Variants in ASB3 observed in about 807,000 individuals in gnomAD.
The protein encoded by ASB3 is ankyrin repeat and SOCS box containing 3, also known as ankyrin repeat and SOCS box protein 3.
In ASB3, 41 loss-of-function variants were observed where a neutral mutation model predicts 54.5. The ratio of observed to expected loss-of-function variants is 0.75; its 90% CI spans 0.59 to 0.98. ASB3 has a LOEUF of 0.98. ASB3 is among the 50% of genes least tolerant of loss of function. The pLI is 0.00. For synonymous variants in ASB3, 266 were observed against 221.2 expected (o/e 1.20, Z -1.80); for missense variants, 733 against 620.0 (o/e 1.18, Z -1.94).
intron 1 of ASB3, among the ~76,000 whole-genome samples, chr2:53,773,348 T>C (rs1674080006): frequency 6.6e-6 from 1 of 150,448 alleles, no homozygotes; most frequent in South Asian, 2.1e-4. Flanking sequence ...TTATTCACAA[T>C]GGAGATTTTA....
At position 53,670,611 on chromosome 2, in the gene ASB3, A is replaced by G. The variant is rs747158294; in HGVS notation, c.1449T>C (p.Ser483=). 1.6e-5 allele frequency: 26 copies of G among 1,613,936 alleles called. No homozygotes were observed. In the African/African-American group the frequency reaches 3.2e-4, roughly 20 times the overall value. ...TGGGAAGTGGCAGCTGACTAATATA[A>G]CTGTCAGACCGTAGACGTTCTGATT... ...SLKSERLRSD[S]YISQLPLPRS... Residue 483 remains serine, a synonymous_variant, in exon 10 of 10, where the codon AGT becomes AGC. Transcript: ENST00000263634.
chr2:53,731,245 C>CA (rs968233624), intron 3 of ASB3, among the ~76,000 whole-genome samples: 8 of 152,010 alleles, frequency 5.3e-5, no homozygotes, highest in Admixed American at 3.9e-4. Context: ...ACTAAAAATA[C>CA]AAAAAAATTA....
At position 53,710,891 on chromosome 2, in the gene ASB3, C is replaced by T. The variant is rs537468586; in HGVS notation, c.980+3493G>A. Among the ~76,000 whole-genome samples, 12 of 152,124 alleles carry T rather than the reference C, an allele frequency of 7.9e-5. No individual in the cohort carries two copies. In the East Asian group the frequency reaches 2.3e-3, roughly 29 times the overall value. On this transcript the variant is annotated intron_variant, in intron 7 of 9. Coordinates refer to ENST00000263634, the MANE Select transcript of ASB3 (RefSeq NM_016115.5). ...CCTGTAATCCCAGCACTTTGAGAGG[C>T]CAAGGCAGGGAGATCACCTGAGCTC...
chr2:53,713,038 A>T (rs1024008331), intron 7 of ASB3, among the ~76,000 whole-genome samples: 1 of 152,174 alleles, frequency 6.6e-6, no homozygotes, highest in Non-Finnish European at 1.5e-5. Flanking sequence ...TATTCAAACT[A>T]AAATGTATAA....
At chr2:53,774,043 C>T (rs1573020043) in intron 1 of ASB3, 2 of 1,295,032 alleles carry the variant, frequency 1.5e-6, no homozygotes, top group East Asian at 2.4e-5. Flanking sequence ...CAAAAACAAA[C>T]AGAAAAGAAT....
At chr2:53,674,226 T>C (rs1056303685) in intron 9 of ASB3, among the ~76,000 whole-genome samples, 2 of 152,212 alleles carry the variant, frequency 1.3e-5, no homozygotes, top group Non-Finnish European at 2.9e-5. Flanking sequence ...TCTTGGATTA[T>C]GGCAGTGATT....
intron 1 of ASB3, among the ~76,000 whole-genome samples, chr2:53,776,879 G>A (rs183767696): frequency 6.6e-6 from 1 of 152,236 alleles, no homozygotes; most frequent in African/African-American, 2.4e-5. Flanking sequence ...CAAAGATTTT[G>A]TAATCCTGTG....
chr2:53,716,324 C>T (rs1670387428), intron 6 of ASB3, among the ~76,000 whole-genome samples: 1 of 151,950 alleles, frequency 6.6e-6, no homozygotes, highest in Non-Finnish European at 1.5e-5. Context: ...GAGTCAACAC[C>T]CCGAGAAAGT....
chr2:53,681,505 C>G (rs6741239), intron 9 of ASB3, among the ~76,000 whole-genome samples: 67,878 of 151,940 alleles, frequency 0.45, 15,431 homozygotes, highest in East Asian at 0.63. Context: ...AGGTCTTAAA[C>G]TCTTTAATGC....
intron 3 of ASB3, among the ~76,000 whole-genome samples, chr2:53,734,824 T>G (rs1671523581): frequency 6.6e-6 from 1 of 152,204 alleles, no homozygotes; most frequent in African/African-American, 2.4e-5. Flanking sequence ...CTTCTTAGTT[T>G]AGTTGTTCTA....
At chr2:53,749,521 G>A (rs1034931965) in intron 3 of ASB3, among the ~76,000 whole-genome samples, 15 of 152,108 alleles carry the variant, frequency 9.9e-5, no homozygotes, top group African/African-American at 2.9e-4. Context: ...AGATTTAGTC[G>A]TAACCACTAA....
intron 9 of ASB3, among the ~76,000 whole-genome samples, chr2:53,685,232 C>G (rs540196381): frequency 6.6e-6 from 1 of 152,098 alleles, no homozygotes; most frequent in African/African-American, 2.4e-5. Flanking sequence ...CAGGAGTATA[C>G]TGAAGTCAAG....
rs144785033 is a variant in ASB3, at chr2:53,767,953, G to A, written c.-13-2368C>T. 188 of 1,613,990 alleles carry A rather than the reference G, an allele frequency of 1.2e-4. No homozygotes were observed. Among genetic ancestry groups the A allele is most frequent in the Non-Finnish European group, 1.5e-4 (181 of 1,180,004 alleles). ...TTTCCCCTATCAGGACAAGCTGGTC[G>A]GATACATCACCAACTACAGCAGGCG... On this transcript the variant is annotated intron_variant, in intron 1 of 9. Coordinates refer to ENST00000263634, the MANE Select transcript of ASB3 (RefSeq NM_016115.5).
At chr2:53,706,095 G>A (rs1022232563) in intron 7 of ASB3, among the ~76,000 whole-genome samples, 1 of 152,032 alleles carries the variant, frequency 6.6e-6, no homozygotes, top group African/African-American at 2.4e-5. Context: ...ATTTTCTAAA[G>A]CAAGCTTAGG....
chr2:53,758,633 T>G (rs1157104595), intron 2 of ASB3, among the ~76,000 whole-genome samples: 1 of 152,070 alleles, frequency 6.6e-6, no homozygotes, highest in Non-Finnish European at 1.5e-5. Context: ...TTCTTTGTGG[T>G]CAAGAAAGGT....
rs1353754799 is a variant in ASB3 at position 53,690,072 on chromosome 2, CAA to C, written c.1369+3810_1369+3811del. On this transcript the variant is annotated intron_variant, in intron 9 of 9. Coordinates refer to ENST00000263634, the MANE Select transcript of ASB3 (RefSeq NM_016115.5). Reference sequence around the variant, plus strand: ...GTAACATGGCGAAACCCTGTCTCAACAAAAAATACAAAAATTAGCTGGGCATG... The same window carrying C: ...GTAACATGGCGAAACCCTGTCTCAACAAAATACAAAAATTAGCTGGGCATG... 1.3e-5 allele frequency among the ~76,000 whole-genome samples: 2 copies of C among 151,348 alleles called. 1 individual carries two copies.
At chr2:53,729,181 G>C (rs751462529) in intron 4 of ASB3, among the ~76,000 whole-genome samples, 3 of 152,084 alleles carry the variant, frequency 2.0e-5, no homozygotes, top group Non-Finnish European at 4.4e-5. Flanking sequence ...ATAACCCATT[G>C]CTCTTTATCA....
At chr2:53,720,263 G>A (rs1363009536) in intron 5 of ASB3, among the ~76,000 whole-genome samples, 1 of 152,038 alleles carries the variant, frequency 6.6e-6, no homozygotes, top group Non-Finnish European at 1.5e-5. Flanking sequence ...GTTGATTGAT[G>A]TCTCATGTAT....
chr2:53,702,345 G>C (rs1463983055), intron 7 of ASB3, among the ~76,000 whole-genome samples: 1 of 152,142 alleles, frequency 6.6e-6, no homozygotes, highest in Non-Finnish European at 1.5e-5. Context: ...AAATACATGT[G>C]CACACTACAG....
Sources: allele counts gnomAD v4.1 joint callset (sites outside exome capture counted in the v4.1 genomes callset), GRCh38; gene constraint gnomAD v4.1.1; transcripts MANE v1.5; gene names NCBI Gene and HGNC (gene_info 2026-07-23, HGNC 2026-07-21).